Variants in TRMT1L observed in about 807,000 individuals in gnomAD.
The protein encoded by TRMT1L is tRNA methyltransferase 1L, also known as tRNA (guanine(27)-N(2))-dimethyltransferase.
A neutral mutation model predicts 81.6 loss-of-function variants in TRMT1L; 28 were observed. The ratio of observed to expected loss-of-function variants is 0.34; its 90% CI spans 0.25 to 0.47. The LOEUF (loss-of-function observed/expected upper bound fraction) is 0.47, where lower values mean the gene tolerates loss of function less well. Among genes scored for constraint, TRMT1L ranks in the 20% least tolerant of loss-of-function variants. The pLI is 1.00. For missense variants in TRMT1L, 739 were observed against 877.1 expected, an observed-to-expected ratio of 0.84 and a Z score of 1.99; for synonymous variants, 301 against 303.2, an observed-to-expected ratio of 0.99 and a Z score of 0.07.
chr1:185,145,429 C>T lies in TRMT1L; in HGVS notation c.655+10G>A, dbSNP rs1235798379. ...ACATATTAATATGTTAATGAGATTG[C>T]TCAACTTACCTGCAATATAACTAGA... On this transcript the variant is annotated intron_variant, in intron 5 of 14. Coordinates refer to ENST00000367506, the MANE Select transcript of TRMT1L (RefSeq NM_030934.5). 2.5e-6 allele frequency: 4 copies of T among 1,606,036 alleles called. No individual in the cohort carries two copies. Among genetic ancestry groups the T allele is most frequent in the Non-Finnish European group, 3.4e-6 (4 of 1,174,704 alleles).
chr1:185,137,771 T>C lies in TRMT1L; in HGVS notation c.1348A>G (p.Ile450Val), dbSNP rs767483087. 9 of 1,613,486 alleles carry C rather than the reference T, an allele frequency of 5.6e-6. No individual in the cohort carries two copies. The highest frequency in any genetic ancestry group is 6.8e-6 in the Non-Finnish European group (8 of 1,179,890). Residue 450 changes from isoleucine (I) to valine (V), a missense_variant, in exon 10 of 15, where the codon ATA becomes GTA. This residue lies in a region of TRMT1L where 331 missense variants were observed against 462.2 expected (regional missense o/e 0.72). Coordinates refer to ENST00000367506, the MANE Select transcript of TRMT1L (RefSeq NM_030934.5). ...ARAAARCNKGIEVLFAVALEH... is the reference protein window; with the variant it reads ...ARAAARCNKGVEVLFAVALEH... ...AGAGCCACTGCAAACAGTACTTCTATGCCTTTGTTGCATCGGGCTGCAGCT... is the reference window on the plus strand; with the variant it reads ...AGAGCCACTGCAAACAGTACTTCTACGCCTTTGTTGCATCGGGCTGCAGCT...
rs1320233017 is a variant in TRMT1L, at chr1:185,125,019, T to A, written c.1684A>T (p.Thr562Ser). Residue 562 changes from threonine to serine, a missense_variant, in exon 12 of 15, where the codon ACA becomes TCA. Physicochemically the swap from Thr to Ser is moderately conservative, Grantham distance 58. Around this residue, in one of 4 missense-constraint regions of TRMT1L, gnomAD observed 196 missense variants for 232.6 expected, o/e 0.84. Coordinates refer to ENST00000367506, the MANE Select transcript of TRMT1L (RefSeq NM_030934.5). Reference protein sequence around the residue: ...GLDDIQTLIKTLIFESECTPQ... With the variant: ...GLDDIQTLIKSLIFESECTPQ... The stretch of plus-strand genomic sequence containing the variant: ...GTACACTCTGATTCAAAGATTAATG[T>A]CTTTATTAGGGTCTGAATGTCATCC... 3 of 1,613,184 alleles carry A rather than the reference T, an allele frequency of 1.9e-6. No homozygotes were observed. The highest frequency in any genetic ancestry group is 2.5e-6 in the Non-Finnish European group (3 of 1,179,590).
intron 9 of TRMT1L, among the ~76,000 whole-genome samples, chr1:185,138,127 A>G (rs1652946381): frequency 6.6e-6 from 1 of 151,972 alleles, no homozygotes; most frequent in Admixed American, 6.6e-5. Context: ...TATCTATTTT[A>G]TTTCCTATAA....
chr1:185,156,586 G>T lies in TRMT1L; in HGVS notation c.127C>A (p.Leu43Met), dbSNP rs777155352. ...GVPAPAPDSA[L>M]DSAPTPASAP... ...GAGGCCGGAGTCGGAGCCGAGTCCA[G>T]AGCCGAATCCGGGGCCGGAGCTGGG... Residue 43 changes from leucine (L) to methionine (M), a missense_variant, in exon 1 of 15, where the codon CTG becomes ATG. Coordinates refer to ENST00000367506, the MANE Select transcript of TRMT1L (RefSeq NM_030934.5). The T allele has an allele frequency of 1.3e-6, 2 of 1,599,562 alleles. No individual in the cohort carries two copies. Among genetic ancestry groups the T allele is most frequent in the Non-Finnish European group, 1.7e-6 (2 of 1,173,316 alleles).
intron 7 of TRMT1L, 152 bp downstream of exon 7, chr1:185,143,205 A>T (rs907285779): frequency 2.3e-5 from 13 of 566,560 alleles, no homozygotes; most frequent in African/African-American, 2.1e-4. Flanking sequence ...ATTATACTCT[A>T]ATATACATTT....
intron 1 of TRMT1L, among the ~76,000 whole-genome samples, chr1:185,155,523 A>G (rs1320009863): frequency 6.6e-6 from 1 of 152,218 alleles, no homozygotes; most frequent in African/African-American, 2.4e-5. Flanking sequence ...AAATAATCCT[A>G]TCTATAACTA....
intron 11 of TRMT1L, among the ~76,000 whole-genome samples, chr1:185,126,760 C>T (rs894783449): frequency 1.4e-4 from 22 of 152,178 alleles, no homozygotes; most frequent in African/African-American, 5.1e-4. Context: ...AATCCCAGCA[C>T]TTCGGGAGGC....
intron 12 of TRMT1L, 131 bp downstream of exon 12, chr1:185,124,813 T>G: frequency 1.2e-6 from 1 of 843,170 alleles, no homozygotes; most frequent in Non-Finnish European, 1.7e-6. Flanking sequence ...TCAGACTCAT[T>G]AGAGAAGATT....
Position 185,156,850 on chromosome 1 carries a change from G to A in TRMT1L, c.-138C>T, listed in dbSNP as rs2102269731. 8.3e-7 allele frequency: 1 copy of A among 1,200,020 alleles called. No individual in the cohort carries two copies. The highest frequency in any genetic ancestry group is 1.1e-6 in the Non-Finnish European group (1 of 882,956). 74.3% of individuals were successfully genotyped at this position (1,200,020 alleles called of 1,614,324 possible). On this transcript the variant is annotated 5_prime_UTR_variant, in exon 1 of 15. Coordinates refer to ENST00000367506, the MANE Select transcript of TRMT1L (RefSeq NM_030934.5). Reference sequence around the variant, plus strand: ...TGGGGAGGGCGGGATGCGTGCAACAGACAAAAGATGAAGAACCAGTGACCA... The same window carrying A: ...TGGGGAGGGCGGGATGCGTGCAACAAACAAAAGATGAAGAACCAGTGACCA...
intron 11 of TRMT1L, 31 bp downstream of exon 11, chr1:185,128,638 T>C (rs369566325): frequency 1.9e-6 from 3 of 1,593,774 alleles, no homozygotes; most frequent in Non-Finnish European, 2.6e-6. Flanking sequence ...ATACATCAAA[T>C]TTTAATATGT....
chr1:185,147,168 T>G lies in TRMT1L; in HGVS notation c.525+14A>C, dbSNP rs1653209277. The G allele has an allele frequency of 2.5e-6, 4 of 1,581,466 alleles. No individual in the cohort carries two copies. The highest frequency in any genetic ancestry group is 3.5e-6 in the Non-Finnish European group (4 of 1,158,746). On this transcript the variant is annotated intron_variant, in intron 4 of 14. Coordinates refer to ENST00000367506, the MANE Select transcript of TRMT1L (RefSeq NM_030934.5). ...GACTAAATTTAAAAATAAAAAAATC[T>G]AATATCTGATCACCTGTTCTCCAAT... is the stretch of plus-strand genomic sequence containing the variant.
chr1:185,128,294 C>CCT (rs1652684143), intron 11 of TRMT1L, among the ~76,000 whole-genome samples: 1 of 152,194 alleles, frequency 6.6e-6, no homozygotes, highest in Non-Finnish European at 1.5e-5. Context: ...TCTTCTAGGA[C>CCT]CTTTTACATG....
At chr1:185,139,815 C>T (rs1652989736) in intron 8 of TRMT1L, among the ~76,000 whole-genome samples, 158 bp downstream of exon 8, 1 of 152,146 alleles carries the variant, frequency 6.6e-6, no homozygotes, top group Non-Finnish European at 1.5e-5. Flanking sequence ...ATTTCAAATA[C>T]TAGAAAATTT....
At chr1:185,145,086 TCTTTA>T (rs1653154051) in intron 5 of TRMT1L, among the ~76,000 whole-genome samples, 1 of 151,894 alleles carries the variant, frequency 6.6e-6, no homozygotes, top group Non-Finnish European at 1.5e-5. Flanking sequence ...GAATAATAAG[TCTTTA>T]TTTCACTGTA....
At chr1:185,152,027 A>T (rs1452578975) in intron 1 of TRMT1L, 92 bp from the exon 2 acceptor site, 1 of 708,946 alleles carries the variant, frequency 1.4e-6, no homozygotes, top group African/African-American at 1.9e-5. Context: ...TATTTCCTAT[A>T]ACACAGTGTT....
chr1:185,139,090 G>T (rs918641811), intron 9 of TRMT1L, among the ~76,000 whole-genome samples: 1 of 152,064 alleles, frequency 6.6e-6, no homozygotes, highest in Non-Finnish European at 1.5e-5. Flanking sequence ...ATCCTACATT[G>T]TTGAAATAAA....
At chr1:185,139,949 A>G (rs199943437) in intron 8 of TRMT1L, 24 bp downstream of exon 8, 2 of 1,585,498 alleles carry the variant, frequency 1.3e-6, no homozygotes, top group East Asian at 4.5e-5. Flanking sequence ...TTAGAAAGTG[A>G]CACGGCAAGT....
chr1:185,134,103 C>T (rs1333285135), intron 10 of TRMT1L, among the ~76,000 whole-genome samples: 2 of 152,150 alleles, frequency 1.3e-5, no homozygotes, highest in Non-Finnish European at 2.9e-5. Flanking sequence ...TTATAAGAAA[C>T]AGCTGTGACA....
chr1:185,156,579 G>A lies in TRMT1L; in HGVS notation c.134C>T (p.Ser45Leu). ...PAPAPDSALD[S>L]APTPASAPAP... ...TGGAGCCGAGGCCGGAGTCGGAGCCGAGTCCAGAGCCGAATCCGGGGCCGG... is the reference window on the plus strand; with the variant it reads ...TGGAGCCGAGGCCGGAGTCGGAGCCAAGTCCAGAGCCGAATCCGGGGCCGG... The change falls in exon 1 of 15, where the codon TCG becomes TTG. Residue 45 changes from serine (S) to leucine (L), a missense_variant. Coordinates refer to ENST00000367506, the MANE Select transcript of TRMT1L (RefSeq NM_030934.5). 1.2e-6 allele frequency: 2 copies of A among 1,600,266 alleles called. No individual in the cohort carries two copies. Among genetic ancestry groups the A allele is most frequent in the Non-Finnish European group, 1.7e-6 (2 of 1,173,894 alleles).
Sources: gnomAD v4.1 joint callset for allele counts (sites outside exome capture counted in the v4.1 genomes callset) on GRCh38, gnomAD v4.1.1 for gene constraint, gnomAD v4.1.1 regional missense constraint, MANE v1.5 for transcripts, NCBI Gene and HGNC (gene_info 2026-07-23, HGNC 2026-07-21) for gene names.